Variants in ELMO1 observed in about 807,000 individuals in gnomAD.
The protein encoded by ELMO1 is engulfment and cell motility 1.
Under a neutral mutation model 98.9 loss-of-function variants are expected in ELMO1, and 26 were observed. The observed-to-expected ratio is 0.26, with a 90% CI of 0.19 to 0.36. The LOEUF (loss-of-function observed/expected upper bound fraction) is 0.36, where lower values mean the gene tolerates loss of function less well. Among genes scored for constraint, ELMO1 ranks in the 10% least tolerant of loss-of-function variants. The pLI, the probability that ELMO1 is intolerant of heterozygous loss-of-function variation, is 1.00. For synonymous variants in ELMO1, 346 were observed against 346.0 expected (o/e 1.00, Z 0.00); for missense variants, 627 against 935.2 (o/e 0.67, Z 4.30).
intron 1 of ELMO1, among the ~76,000 whole-genome samples, chr7:37,402,032 C>T (rs186984123): frequency 8.5e-4 from 129 of 152,316 alleles, no homozygotes; most frequent in Non-Finnish European, 1.2e-3. Flanking sequence ...CAGGTTTACC[C>T]GCTTCTTCAG....
chr7:37,233,207 G>C lies in ELMO1; in HGVS notation c.450-13C>G, dbSNP rs1563092928. The C allele has an allele frequency of 1.9e-6, 3 of 1,609,074 alleles. No individual in the cohort carries two copies. The highest frequency in any genetic ancestry group is 1.7e-6 in the Non-Finnish European group (2 of 1,178,056). ...CATGTCTCCAAAGCTGAAAAAGACAGAGAGGCACAAGAGTCAAGAGCCCCA... is the reference window on the plus strand; with the variant it reads ...CATGTCTCCAAAGCTGAAAAAGACACAGAGGCACAAGAGTCAAGAGCCCCA... On this transcript the variant is annotated splice_polypyrimidine_tract_variant and intron_variant, in intron 7 of 21. Coordinates refer to ENST00000310758, the MANE Select transcript of ELMO1 (RefSeq NM_014800.11).
chr7:36,902,906 T>C (rs1476618112), intron 16 of ELMO1, among the ~76,000 whole-genome samples: 1 of 152,196 alleles, frequency 6.6e-6, no homozygotes, highest in African/African-American at 2.4e-5. Context: ...CCTTGCCCTA[T>C]TGCCTTTCCT....
chr7:37,373,890 A>C (rs1427527637), intron 1 of ELMO1, among the ~76,000 whole-genome samples: 1 of 152,264 alleles, frequency 6.6e-6, no homozygotes, highest in African/African-American at 2.4e-5. Flanking sequence ...AAGCAGGAGC[A>C]CCCAATCAAT....
At chr7:37,368,971 T>G (rs1802006442) in intron 1 of ELMO1, among the ~76,000 whole-genome samples, 1 of 152,224 alleles carries the variant, frequency 6.6e-6, no homozygotes, top group South Asian at 2.1e-4. Flanking sequence ...CAGCAAACCT[T>G]CAGGAGATGA....
intron 19 of ELMO1, among the ~76,000 whole-genome samples, chr7:36,872,435 T>C (rs1307903860): frequency 6.6e-6 from 1 of 152,240 alleles, no homozygotes; most frequent in East Asian, 1.9e-4. Flanking sequence ...AGAAATAACC[T>C]TTTGTTATGC....
At chr7:37,055,107 A>T (rs1304050227) in intron 15 of ELMO1, among the ~76,000 whole-genome samples, 1 of 152,182 alleles carries the variant, frequency 6.6e-6, no homozygotes. Flanking sequence ...AGCGGTTGTG[A>T]CTCATCCTGC....
At chr7:36,911,799 C>T (rs560485723) in intron 16 of ELMO1, among the ~76,000 whole-genome samples, 5 of 152,180 alleles carry the variant, frequency 3.3e-5, no homozygotes, top group South Asian at 2.1e-4. Flanking sequence ...TTGCTCCCAT[C>T]GGCCAACTCT....
At chr7:37,055,779 T>C (rs1387805811) in intron 15 of ELMO1, among the ~76,000 whole-genome samples, 2 of 152,150 alleles carry the variant, frequency 1.3e-5, no homozygotes, top group Non-Finnish European at 2.9e-5. Flanking sequence ...CCAATTCTAG[T>C]GGGCACCATC....
chr7:37,278,670 A>C (rs1159461119), intron 4 of ELMO1, among the ~76,000 whole-genome samples: 4 of 152,210 alleles, frequency 2.6e-5, no homozygotes, highest in Non-Finnish European at 2.9e-5. Flanking sequence ...TAATCCCATG[A>C]GGTAATTCCT....
intron 14 of ELMO1, among the ~76,000 whole-genome samples, chr7:37,120,712 G>A (rs868528061): frequency 5.9e-5 from 9 of 152,184 alleles, no homozygotes; most frequent in East Asian, 1.9e-4. Flanking sequence ...AGGCATAGCC[G>A]AACAAAAGGC....
chr7:37,432,041 C>T (rs181783930), intron 1 of ELMO1, among the ~76,000 whole-genome samples: 24 of 152,320 alleles, frequency 1.6e-4, no homozygotes, highest in Admixed American at 2.6e-4. Flanking sequence ...GCCACCACGC[C>T]TGGCTAATTT....
At chr7:37,328,826 C>A (rs1449462842) in intron 2 of ELMO1, among the ~76,000 whole-genome samples, 1 of 152,212 alleles carries the variant, frequency 6.6e-6, no homozygotes, top group South Asian at 2.1e-4. Context: ...CTGTCTCAGA[C>A]CATTTCAACC....
At chr7:37,404,502 T>C (rs1301520551) in intron 1 of ELMO1, among the ~76,000 whole-genome samples, 2 of 152,206 alleles carry the variant, frequency 1.3e-5, no homozygotes, top group African/African-American at 4.8e-5. Flanking sequence ...AATGTATCCT[T>C]TAGATGCTTC....
At chr7:37,126,329 A>ATATATATATAT (rs1563019733) in intron 14 of ELMO1, among the ~76,000 whole-genome samples, 2 of 142,404 alleles carry the variant, frequency 1.4e-5, no homozygotes, top group African/African-American at 2.6e-5. Context: ...ATATATATAT[A>ATATATATATAT]AAAGAAAAGA....
intron 4 of ELMO1, among the ~76,000 whole-genome samples, chr7:37,309,605 T>C (rs1314064818): frequency 6.6e-6 from 1 of 152,164 alleles, no homozygotes; most frequent in African/African-American, 2.4e-5. Context: ...TTGGCTGGTT[T>C]AGGAAATTTA....
At chr7:36,977,272 T>C (rs965815083) in intron 16 of ELMO1, among the ~76,000 whole-genome samples, 3 of 152,120 alleles carry the variant, frequency 2.0e-5, no homozygotes, top group African/African-American at 7.2e-5. Flanking sequence ...TTTAAAAAGG[T>C]TTAAGAAATC....
At chr7:37,344,816 CCT>C (rs1255381532) in intron 1 of ELMO1, among the ~76,000 whole-genome samples, 1 of 152,192 alleles carries the variant, frequency 6.6e-6, no homozygotes, top group Non-Finnish European at 1.5e-5. Context: ...ACACACGCTC[CCT>C]TTTTGTGAAC....
In ELMO1 at chr7:37,259,127, C is replaced by T; in HGVS notation, c.413+54G>A. On this transcript the variant is annotated intron_variant, in intron 6 of 21. Coordinates refer to ENST00000310758, the MANE Select transcript of ELMO1 (RefSeq NM_014800.11). Reference sequence around the variant, plus strand: ...CAAGTGTAAGGCATGTAACAATATTCAAAACGCGGAGACACGCAGGACAGC... The same window carrying T: ...CAAGTGTAAGGCATGTAACAATATTTAAAACGCGGAGACACGCAGGACAGC... The T allele has an allele frequency of 1.3e-6, 2 of 1,547,354 alleles. 1 individual carries two copies. The highest frequency in any genetic ancestry group is 3.6e-4 in the Middle Eastern group (2 of 5,556).
At chr7:36,868,775 T>C (rs541543017) in intron 20 of ELMO1, among the ~76,000 whole-genome samples, 9 of 152,354 alleles carry the variant, frequency 5.9e-5, no homozygotes, top group African/African-American at 1.9e-4. Flanking sequence ...ACTTGAATTC[T>C]GGCAGGTTGC....
Sources: gnomAD v4.1 joint callset for allele counts (sites outside exome capture counted in the v4.1 genomes callset) on GRCh38, gnomAD v4.1.1 for gene constraint, MANE v1.5 for transcripts, NCBI Gene and HGNC (gene_info 2026-07-23, HGNC 2026-07-21) for gene names.